Variants in PRICKLE2 observed in about 807,000 individuals in gnomAD.
PRICKLE2 encodes the protein prickle planar cell polarity protein 2.
PRICKLE2 carries 21 observed loss-of-function variants against 81.4 expected under a neutral mutation model. That is an observed-to-expected ratio of 0.26 (90% CI 0.18 to 0.37). PRICKLE2 has a LOEUF of 0.37. Ranked by LOEUF, PRICKLE2 falls within the 10% of genes least tolerant of loss-of-function variation. The pLI is 1.00. For synonymous variants in PRICKLE2, 456 were observed against 421.5 expected (o/e 1.08, Z -1.00); for missense variants, 940 against 1,109.0 (o/e 0.85, Z 2.16).
At chr3:64,216,526 A>C (rs140993458) in intron 1 of PRICKLE2, among the ~76,000 whole-genome samples, 21 of 152,210 alleles carry the variant, frequency 1.4e-4, no homozygotes, top group Non-Finnish European at 3.1e-4. Flanking sequence ...CATTCTTTTA[A>C]AAATTCAAAA....
At chr3:64,132,029 G>C (rs545908017) in intron 7 of PRICKLE2, among the ~76,000 whole-genome samples, 26 of 152,248 alleles carry the variant, frequency 1.7e-4, no homozygotes, top group African/African-American at 6.0e-4. Flanking sequence ...CCTAGAACTG[G>C]ACAAGTTCTC....
At chr3:64,144,371 T>A (rs893838401) in intron 7 of PRICKLE2, among the ~76,000 whole-genome samples, 1 of 152,218 alleles carries the variant, frequency 6.6e-6, no homozygotes, top group Admixed American at 6.5e-5. Context: ...TCCCTCACAG[T>A]GTTATGACAA....
chr3:64,226,558 T>G (rs186251427), upstream of PRICKLE2, among the ~76,000 whole-genome samples: 281 of 152,360 alleles, frequency 1.8e-3, 2 homozygotes, highest in African/African-American at 6.4e-3. Context: ...AAGGGCCTTA[T>G]GGGCTACTGC....
intron 7 of PRICKLE2, among the ~76,000 whole-genome samples, chr3:64,140,153 T>C (rs2077338363): frequency 6.6e-6 from 1 of 152,162 alleles, no homozygotes; most frequent in South Asian, 2.1e-4. Flanking sequence ...TTAATTCACA[T>C]TACAACCCTG....
chr3:64,221,359 C>A (rs528542030), intron 1 of PRICKLE2, among the ~76,000 whole-genome samples: 1 of 149,782 alleles, frequency 6.7e-6, no homozygotes, highest in African/African-American at 2.4e-5. Flanking sequence ...AAAAAGAAAA[C>A]GAAGTCTCCA....
chr3:64,110,854 C>T (rs559052682), intron 7 of PRICKLE2, among the ~76,000 whole-genome samples: 221 of 145,890 alleles, frequency 1.5e-3, no homozygotes, highest in Middle Eastern at 3.8e-3. Flanking sequence ...TTAAAAGTGT[C>T]GGGAGGCTGA....
At chr3:64,197,497 T>C (rs2078478445) in intron 2 of PRICKLE2, among the ~76,000 whole-genome samples, 2 of 152,198 alleles carry the variant, frequency 1.3e-5, no homozygotes, top group African/African-American at 4.8e-5. Flanking sequence ...ATTAGACTCA[T>C]ACACACAATA....
intron 1 of PRICKLE2, among the ~76,000 whole-genome samples, chr3:64,209,132 C>T (rs544154608): frequency 2.6e-5 from 4 of 152,108 alleles, no homozygotes; most frequent in African/African-American, 7.2e-5. Flanking sequence ...CATATCCATA[C>T]ATACATACAC....
At chr3:64,222,597 T>C (rs2078972471) in intron 1 of PRICKLE2, among the ~76,000 whole-genome samples, 1 of 152,076 alleles carries the variant, frequency 6.6e-6, no homozygotes, top group African/African-American at 2.4e-5. Context: ...TGGGCCATGG[T>C]AGGCAGGCAG....
At chr3:64,111,655 C>A (rs1326185160) in intron 7 of PRICKLE2, among the ~76,000 whole-genome samples, 1 of 152,114 alleles carries the variant, frequency 6.6e-6, no homozygotes, top group Non-Finnish European at 1.5e-5. Context: ...GTAAAAGATA[C>A]CAGATATAAA....
At chr3:64,263,925 A>T (rs1378486532) in intron 2 of PRICKLE2, among the ~76,000 whole-genome samples, 1 of 152,076 alleles carries the variant, frequency 6.6e-6, no homozygotes, top group Non-Finnish European at 1.5e-5. Flanking sequence ...GATTGTCTAA[A>T]TGGGGACCTC....
chr3:64,232,321 A>G (rs1275392396), intron 2 of PRICKLE2, among the ~76,000 whole-genome samples: 1 of 152,248 alleles, frequency 6.6e-6, no homozygotes, highest in Non-Finnish European at 1.5e-5. Flanking sequence ...CTGACAGCTA[A>G]TGAACATTTT....
At chr3:64,169,636 A>T (rs867359677) in intron 2 of PRICKLE2, among the ~76,000 whole-genome samples, 3 of 152,216 alleles carry the variant, frequency 2.0e-5, no homozygotes, top group Admixed American at 6.5e-5. Flanking sequence ...GAAAAGGCAA[A>T]CACAAACACA....
chr3:64,191,367 T>G (rs186209861), intron 2 of PRICKLE2, among the ~76,000 whole-genome samples: 1 of 152,176 alleles, frequency 6.6e-6, no homozygotes, highest in African/African-American at 2.4e-5. Flanking sequence ...GAGCAACTTC[T>G]ACGTGCAGAC....
chr3:64,254,947 G>T (rs2079503512), intron 2 of PRICKLE2, among the ~76,000 whole-genome samples: 1 of 152,098 alleles, frequency 6.6e-6, no homozygotes, highest in Non-Finnish European at 1.5e-5. Context: ...CAGGATTGTT[G>T]TGAGATCACC....
chr3:64,163,528 C>T, intron 2 of PRICKLE2: 1 of 286,324 alleles, frequency 3.5e-6, no homozygotes, highest in Non-Finnish European at 6.8e-6. Context: ...ATGTCAGCAC[C>T]TGCCTCGGCA....
intron 7 of PRICKLE2, among the ~76,000 whole-genome samples, chr3:64,134,441 C>T (rs2077245821): frequency 6.6e-6 from 1 of 152,182 alleles, no homozygotes; most frequent in South Asian, 2.1e-4. Context: ...CTAGGCCAGG[C>T]TTTCTCAGTC....
chr3:64,240,346 A>C (rs2079245607), intron 2 of PRICKLE2, among the ~76,000 whole-genome samples: 1 of 152,180 alleles, frequency 6.6e-6, no homozygotes, highest in Non-Finnish European at 1.5e-5. Context: ...TAAACAAGCT[A>C]CAGCTCCTCT....
intron 7 of PRICKLE2, among the ~76,000 whole-genome samples, chr3:64,119,895 T>C (rs539666800): frequency 3.3e-5 from 5 of 152,324 alleles, no homozygotes; most frequent in Middle Eastern, 3.4e-3. Flanking sequence ...TATGAGATCA[T>C]GTCCTTTGTG....
Sources: allele counts gnomAD v4.1 joint callset (sites outside exome capture counted in the v4.1 genomes callset), GRCh38; gene constraint gnomAD v4.1.1; transcripts MANE v1.5; gene names NCBI Gene and HGNC (gene_info 2026-07-23, HGNC 2026-07-21).